The following PARD3B variants were observed in gnomAD, a reference collection of about 807,000 sequenced individuals.
PARD3B encodes the protein partitioning defective 3 homolog B.
A neutral mutation model predicts 130.2 loss-of-function variants in PARD3B; 103 were observed. The ratio of observed to expected loss-of-function variants is 0.79; its 90% CI spans 0.67 to 0.93. PARD3B has a LOEUF of 0.93. PARD3B is among the 40% of genes least tolerant of loss of function. PARD3B has a pLI of 0.00. For missense variants in PARD3B, 1,609 were observed against 1,499.2 expected, an observed-to-expected ratio of 1.07 and a Z score of -1.21; for synonymous variants, 583 against 553.2, an observed-to-expected ratio of 1.05 and a Z score of -0.76.
intron 22 of PARD3B, among the ~76,000 whole-genome samples, chr2:205,571,887 A>G (rs1167977641): frequency 6.6e-6 from 1 of 152,228 alleles, no homozygotes; most frequent in African/African-American, 2.4e-5. Flanking sequence ...ATGCATAGGA[A>G]GAAAGTTACA....
chr2:205,291,137 T>C lies in PARD3B; in HGVS notation c.2186-9393T>C, dbSNP rs2105873209. On this transcript the variant is annotated intron_variant, in intron 16 of 22. Transcript: ENST00000406610. The surrounding 1 kb of genome is among the most constrained non-coding windows in gnomAD (Gnocchi z 4.6). ...TTGAAACTGGGTAATGGGTGGAGGC[T>C]GAAAGAGTTTTTAAGTGCATGCTTA... 6.6e-6 allele frequency among the ~76,000 whole-genome samples: 1 copy of C among 152,224 alleles called. No individual in the cohort carries two copies. The highest frequency in any genetic ancestry group is 2.4e-5 in the African/African-American group (1 of 41,520).
rs779552953 is a variant in PARD3B at position 205,279,136 on chromosome 2, A to G, written c.2186-21394A>G. The stretch of plus-strand genomic sequence containing the variant: ...CCAATCTCTTTAATTATTATACTAA[A>G]TTTTCCCCCCAAATTTAACCTTACC... On this transcript the variant is annotated intron_variant, in intron 16 of 22. Transcript: ENST00000406610. Among the ~76,000 whole-genome samples, 3 of 151,338 alleles carry G rather than the reference A, an allele frequency of 2.0e-5. No individual in the cohort carries two copies. In the South Asian group the frequency reaches 6.3e-4, roughly 32 times the overall value.
intron 2 of PARD3B, among the ~76,000 whole-genome samples, chr2:204,776,076 G>A (rs2041604909): frequency 6.6e-6 from 1 of 152,132 alleles, no homozygotes; most frequent in South Asian, 2.1e-4. Context: ...AACTCTTCCA[G>A]TAACTAAATA....
rs191404812 is a variant in PARD3B, at chr2:205,163,960, A to T, written c.1620+5053A>T. Among the ~76,000 whole-genome samples the T allele has an allele frequency of 1.9e-3, 282 of 152,320 alleles. 4 individuals carry two copies. Among genetic ancestry groups the T allele is most frequent in the African/African-American group, 6.6e-3 (273 of 41,570 alleles). On this transcript the variant is annotated intron_variant, in intron 11 of 22. Coordinates refer to ENST00000406610, the MANE Select transcript of PARD3B (RefSeq NM_001302769.2). Reference sequence around the variant, plus strand: ...TGACTTCTAAGCTGTTACCTCTGGCAAAAGGACCAGATAATGTGAGAATGT... The same window carrying T: ...TGACTTCTAAGCTGTTACCTCTGGCTAAAGGACCAGATAATGTGAGAATGT...
chr2:204,910,637 G>T (rs920507579), intron 2 of PARD3B, among the ~76,000 whole-genome samples: 8 of 151,960 alleles, frequency 5.3e-5, no homozygotes, highest in African/African-American at 1.2e-4. Flanking sequence ...TGTTTTTTTT[G>T]TTTGTTTGTT....
chr2:204,763,911 A>C (rs66948261), intron 2 of PARD3B, among the ~76,000 whole-genome samples: 1 of 152,158 alleles, frequency 6.6e-6, no homozygotes, highest in Non-Finnish European at 1.5e-5. Flanking sequence ...TTTTTAATCT[A>C]TGTAATACTT....
At chr2:204,820,274 A>G (rs2043297264) in intron 2 of PARD3B, among the ~76,000 whole-genome samples, 1 of 151,004 alleles carries the variant, frequency 6.6e-6, no homozygotes. Context: ...ACTGGATTTC[A>G]CCATGTTTGT....
intron 2 of PARD3B, among the ~76,000 whole-genome samples, chr2:204,921,066 C>G (rs1292491540): frequency 6.6e-6 from 1 of 152,136 alleles, no homozygotes; most frequent in Non-Finnish European, 1.5e-5. Context: ...GGCAGATGTG[C>G]AATAGATAAG....
At chr2:204,947,874 A>C (rs1689459017) in intron 2 of PARD3B, among the ~76,000 whole-genome samples, 1 of 152,232 alleles carries the variant, frequency 6.6e-6, no homozygotes, top group South Asian at 2.1e-4. Context: ...TATTGTTTGC[A>C]AAATTCAAGA....
chr2:205,211,108 T>A (rs58915278), intron 15 of PARD3B, among the ~76,000 whole-genome samples: 1 of 151,756 alleles, frequency 6.6e-6, no homozygotes, highest in Non-Finnish European at 1.5e-5. Context: ...TTAATCTGGG[T>A]CAAGTCAATT....
rs1233945133 is a variant in PARD3B at position 205,530,622 on chromosome 2, AT to A, written c.3181-22701del. Reference sequence around the variant, plus strand: ...CCCTTCCATCCTGAGGAGCTAGAGAATCCGAGATTCAGAGAGGGGCAAAATG... The same window carrying A: ...CCCTTCCATCCTGAGGAGCTAGAGAACCGAGATTCAGAGAGGGGCAAAATG... On this transcript the variant is annotated intron_variant, in intron 21 of 22. Coordinates refer to ENST00000406610, the MANE Select transcript of PARD3B (RefSeq NM_001302769.2). The surrounding 1 kb of genome is among the most constrained non-coding windows in gnomAD (Gnocchi z 4.7). 1.3e-5 allele frequency among the ~76,000 whole-genome samples: 2 copies of A among 152,030 alleles called. No homozygotes were observed. Among genetic ancestry groups the A allele is most frequent in the African/African-American group, 4.8e-5 (2 of 41,324 alleles).
chr2:205,577,540 G>T (rs2053805453), intron 22 of PARD3B, among the ~76,000 whole-genome samples: 1 of 152,028 alleles, frequency 6.6e-6, no homozygotes, highest in African/African-American at 2.4e-5. Context: ...AAATGTACAT[G>T]GATTTTATAT....
At chr2:204,735,874 CAG>C (rs1455814452) in intron 2 of PARD3B, among the ~76,000 whole-genome samples, 1 of 152,134 alleles carries the variant, frequency 6.6e-6, no homozygotes, top group Non-Finnish European at 1.5e-5. Context: ...GCAACAATAA[CAG>C]AATATAAATT....
chr2:205,057,812 G>C (rs1699828639), intron 4 of PARD3B, among the ~76,000 whole-genome samples: 1 of 150,430 alleles, frequency 6.6e-6, no homozygotes, highest in African/African-American at 2.4e-5. Context: ...TACATCTCCT[G>C]CCTTGAAACC....
At chr2:204,735,904 G>A (rs539138459) in intron 2 of PARD3B, among the ~76,000 whole-genome samples, 2 of 152,118 alleles carry the variant, frequency 1.3e-5, no homozygotes, top group South Asian at 4.1e-4. Flanking sequence ...CTGGGTGAAG[G>A]GTGTATGAGC....
chr2:205,166,697 ATGT>A (rs1471795368), intron 11 of PARD3B, among the ~76,000 whole-genome samples: 1 of 152,090 alleles, frequency 6.6e-6, no homozygotes, highest in Non-Finnish European at 1.5e-5. Flanking sequence ...CAGTAGACAG[ATGT>A]TGTCATAGAG....
chr2:205,480,284 T>TACTCTTCATGGAG (rs1319017485), intron 20 of PARD3B, among the ~76,000 whole-genome samples: 24 of 152,204 alleles, frequency 1.6e-4, no homozygotes, highest in African/African-American at 5.8e-4. Context: ...TTCTCCAGAA[T>TACTCTTCATGGAG]ACTCTTCATG....
At chr2:204,857,863 A>G (rs2045016433) in intron 2 of PARD3B, among the ~76,000 whole-genome samples, 1 of 152,198 alleles carries the variant, frequency 6.6e-6, no homozygotes, top group African/African-American at 2.4e-5. Flanking sequence ...TCAAGATGAC[A>G]TAATTAGAGA....
At chr2:205,072,342 C>A (rs1465281806) in intron 4 of PARD3B, among the ~76,000 whole-genome samples, 1 of 151,776 alleles carries the variant, frequency 6.6e-6, no homozygotes, top group Non-Finnish European at 1.5e-5. Context: ...TTCTGCCCCC[C>A]TGGGTTCAAG....
Sources: gnomAD v4.1 joint callset for allele counts (sites outside exome capture counted in the v4.1 genomes callset) on GRCh38, gnomAD v4.1.1 for gene constraint, Gnocchi (gnomAD v3.1) non-coding constraint, MANE v1.5 for transcripts, NCBI Gene and HGNC (gene_info 2026-07-23, HGNC 2026-07-21) for gene names.